Variants in KCNIP4 observed in about 807,000 individuals in gnomAD.
KCNIP4 encodes Kv channel-interacting protein 4.
In KCNIP4, 12 loss-of-function variants were observed where a neutral mutation model predicts 34.0. The observed-to-expected ratio is 0.35, with a 90% CI of 0.23 to 0.57. The LOEUF is 0.57. Ranked by LOEUF, KCNIP4 falls within the 20% of genes least tolerant of loss-of-function variation. KCNIP4 has a pLI of 0.83. For missense variants in KCNIP4, 238 were observed against 311.7 expected (o/e 0.76, Z 1.78); for synonymous variants, 124 against 102.2 (o/e 1.21, Z -1.29).
In KCNIP4 at chr4:21,007,197, A is replaced by T. The variant is rs113240460; in HGVS notation, c.62-124488T>A. Among the ~76,000 whole-genome samples, 244 of 152,298 alleles carry T rather than the reference A, an allele frequency of 1.6e-3. 2 individuals are homozygous for T. The highest frequency in any genetic ancestry group is 5.6e-3 in the African/African-American group (232 of 41,566). ...TTTTTAAAGATCTTCAAGTGAATGT[A>T]ATAGTCATCCAGCGTTGAAAGGCAC... On this transcript the variant is annotated intron_variant, in intron 1 of 8. Coordinates refer to ENST00000382152, the MANE Select transcript of KCNIP4 (RefSeq NM_025221.6).
intron 1 of KCNIP4, among the ~76,000 whole-genome samples, chr4:21,603,103 T>C (rs544060690): frequency 1.3e-5 from 2 of 152,312 alleles, no homozygotes; most frequent in South Asian, 2.1e-4. Flanking sequence ...CTCTCTTCTG[T>C]TGATTTTGCC....
intron 1 of KCNIP4, among the ~76,000 whole-genome samples, chr4:21,008,092 C>T (rs1024422570): frequency 7.2e-5 from 11 of 152,236 alleles, no homozygotes; most frequent in African/African-American, 2.4e-4. Flanking sequence ...CCAGGCAATA[C>T]TGCTCAGAAC....
chr4:21,233,023 G>T (rs1191820618), intron 1 of KCNIP4, among the ~76,000 whole-genome samples: 1 of 152,270 alleles, frequency 6.6e-6, no homozygotes, highest in Non-Finnish European at 1.5e-5. Context: ...TCAGAGACAA[G>T]AAGCATTCCA....
intron 1 of KCNIP4, among the ~76,000 whole-genome samples, chr4:21,387,979 G>A (rs986618935): frequency 1.3e-5 from 2 of 151,778 alleles, no homozygotes; most frequent in Non-Finnish European, 2.9e-5. Flanking sequence ...GGAATGAGTG[G>A]AGAGCAATAG....
chr4:21,695,337 T>C (rs1487265187), intron 1 of KCNIP4, among the ~76,000 whole-genome samples: 1 of 152,102 alleles, frequency 6.6e-6, no homozygotes, highest in Non-Finnish European at 1.5e-5. Flanking sequence ...AACAGGTTGC[T>C]GCAATCACAT....
intron 1 of KCNIP4, among the ~76,000 whole-genome samples, chr4:21,304,209 T>A (rs1712167220): frequency 6.6e-6 from 1 of 152,188 alleles, no homozygotes; most frequent in Non-Finnish European, 1.5e-5. Context: ...GCATTCATCC[T>A]GTCTGCTGTA....
intron 1 of KCNIP4, among the ~76,000 whole-genome samples, chr4:21,205,746 C>T (rs1039005052): frequency 1.1e-4 from 17 of 152,194 alleles, no homozygotes; most frequent in Admixed American, 2.6e-4. Context: ...TGAGGTCACA[C>T]GGTTAATAAG....
chr4:21,526,989 C>G (rs1736025147), intron 1 of KCNIP4, among the ~76,000 whole-genome samples: 1 of 152,144 alleles, frequency 6.6e-6, no homozygotes, highest in Non-Finnish European at 1.5e-5. Flanking sequence ...CTACCCCTAC[C>G]CTTAGGCTGA....
intron 1 of KCNIP4, among the ~76,000 whole-genome samples, chr4:21,788,239 T>C (rs766147344): frequency 6.6e-6 from 1 of 151,524 alleles, no homozygotes. Context: ...TATTAAGCAA[T>C]GGACAATATA....
intron 1 of KCNIP4, among the ~76,000 whole-genome samples, chr4:21,182,811 G>A (rs911168831): frequency 6.6e-5 from 10 of 151,914 alleles, no homozygotes; most frequent in South Asian, 2.1e-4. Context: ...TTTGAAATAC[G>A]TATGCATCAT....
chr4:21,268,819 G>C (rs561487986), intron 1 of KCNIP4, among the ~76,000 whole-genome samples: 1 of 152,180 alleles, frequency 6.6e-6, no homozygotes, highest in Non-Finnish European at 1.5e-5. Context: ...TCCTGGCAAC[G>C]GTCAAGAAAA....
At position 21,234,333 on chromosome 4, in the gene KCNIP4, T is replaced by TAAC. The variant is rs1560199112; in HGVS notation, c.62-351625_62-351624insGTT. Among the ~76,000 whole-genome samples, 44 of 113,414 alleles carry TAAC rather than the reference T, an allele frequency of 3.9e-4. 15 individuals carry two copies. The highest frequency in any genetic ancestry group is 1.9e-3 in the African/African-American group (43 of 22,472). The allele number at this position is 113,414 out of a possible 152,430, so 74.4% of individuals were successfully genotyped here. A position where few individuals can be genotyped will look rare whatever the true frequency, so the allele number is the denominator to read the frequency against. ...TAACATATATATAACATATATAAAT[T>TAAC]ATATATAACATACATTATATATAAC... is the stretch of plus-strand genomic sequence containing the variant. On this transcript the variant is annotated intron_variant, in intron 1 of 8. Transcript: ENST00000382152.
At chr4:20,808,475 A>T (rs937342353) in intron 3 of KCNIP4, among the ~76,000 whole-genome samples, 38 of 152,288 alleles carry the variant, frequency 2.5e-4, no homozygotes, top group African/African-American at 9.1e-4. Context: ...AAGTAGATTC[A>T]TCCATCCTTA....
intron 1 of KCNIP4, among the ~76,000 whole-genome samples, chr4:21,388,908 G>A (rs1414455172): frequency 6.6e-6 from 1 of 151,232 alleles, no homozygotes; most frequent in Non-Finnish European, 1.5e-5. Flanking sequence ...CATTTGGGTT[G>A]TTTTCATCTT....
intron 2 of KCNIP4, among the ~76,000 whole-genome samples, chr4:20,864,285 T>C (rs1414072554): frequency 6.6e-6 from 1 of 151,528 alleles, no homozygotes; most frequent in Admixed American, 6.6e-5. Flanking sequence ...TATGTATGCA[T>C]ATATGTACAC....
intron 1 of KCNIP4, among the ~76,000 whole-genome samples, chr4:21,718,323 C>A (rs747215306): frequency 5.3e-5 from 8 of 152,092 alleles, no homozygotes; most frequent in Non-Finnish European, 1.2e-4. Context: ...ATTTATTAGC[C>A]AATTTGTATT....
At chr4:21,601,495 C>T (rs1743153348) in intron 1 of KCNIP4, among the ~76,000 whole-genome samples, 1 of 151,832 alleles carries the variant, frequency 6.6e-6, no homozygotes, top group Non-Finnish European at 1.5e-5. Context: ...GTAAGAGACT[C>T]TCCTTTCCCC....
At chr4:21,071,402 G>A (rs1398473491) in intron 1 of KCNIP4, among the ~76,000 whole-genome samples, 1 of 152,084 alleles carries the variant, frequency 6.6e-6, no homozygotes, top group African/African-American at 2.4e-5. Flanking sequence ...AAAGGTGGTT[G>A]GGCAAATTTG....
At chr4:20,894,046 A>C (rs937268492) in intron 1 of KCNIP4, among the ~76,000 whole-genome samples, 1 of 151,660 alleles carries the variant, frequency 6.6e-6, no homozygotes, top group African/African-American at 2.4e-5. Context: ...ACACCCGACT[A>C]ATTTTTGTAT....
Sources: allele counts gnomAD v4.1 joint callset (sites outside exome capture counted in the v4.1 genomes callset), GRCh38; gene constraint gnomAD v4.1.1; transcripts MANE v1.5; gene names NCBI Gene and HGNC (gene_info 2026-07-23, HGNC 2026-07-21).